ANK2: variants seen among roughly 807,000 people sequenced by gnomAD.
ANK2 encodes the protein ankyrin-2.
A neutral mutation model predicts 360.5 loss-of-function variants in ANK2; 83 were observed. That is an observed-to-expected ratio of 0.23 (90% CI 0.19 to 0.28). The LOEUF is 0.28. ANK2 is among the 10% of genes least tolerant of loss of function. ANK2 has a pLI of 1.00. For synonymous variants in ANK2, 1,740 were observed against 1,759.5 expected, an observed-to-expected ratio of 0.99 and a Z score of 0.28; for missense variants, 4,201 against 4,795.7, an observed-to-expected ratio of 0.88 and a Z score of 3.66.
intron 2 of ANK2, among the ~76,000 whole-genome samples, chr4:112,912,176 CAAAA>C (rs77322574): frequency 4.1e-5 from 4 of 97,236 alleles, no homozygotes; most frequent in South Asian, 3.3e-4. Context: ...GACTCCGTTT[CAAAA>C]AAAAAAAAAA....
chr4:112,844,668 A>G (rs2062885583), intron 1 of ANK2, among the ~76,000 whole-genome samples: 1 of 152,260 alleles, frequency 6.6e-6, no homozygotes, highest in South Asian at 2.1e-4. Context: ...AAAGGAAGAC[A>G]AGGTTTGGAA....
chr4:112,834,213 T>G (rs1279825971), intron 1 of ANK2, among the ~76,000 whole-genome samples: 1 of 152,210 alleles, frequency 6.6e-6, no homozygotes, highest in African/African-American at 2.4e-5. Flanking sequence ...TTACTATGTA[T>G]TAGATGATAT....
In ANK2 at chr4:113,264,877, C is replaced by T. The variant is rs747367469; in HGVS notation, c.1387-20C>T. The T allele has an allele frequency of 1.5e-5, 23 of 1,553,168 alleles. No individual in the cohort carries two copies. The highest frequency in any genetic ancestry group is 3.6e-5 in the South Asian group (3 of 84,172). Reference sequence around the variant, plus strand: ...AGCGGTGGGTTAATTTATGATTTGACGATCTTTGTTCCCTGGCAGCGTGGT... The same window carrying T: ...AGCGGTGGGTTAATTTATGATTTGATGATCTTTGTTCCCTGGCAGCGTGGT... On this transcript the variant is annotated intron_variant, in intron 13 of 45. Transcript: ENST00000357077.
chr4:113,130,018 T>A (rs1208885974), intron 1 of ANK2, among the ~76,000 whole-genome samples: 1 of 152,224 alleles, frequency 6.6e-6, no homozygotes, highest in Non-Finnish European at 1.5e-5. Flanking sequence ...CACTTCTTTT[T>A]GCAACTAAGA....
At chr4:113,087,594 A>AT (rs1467834451) in intron 1 of ANK2, among the ~76,000 whole-genome samples, 3 of 152,130 alleles carry the variant, frequency 2.0e-5, no homozygotes, top group Non-Finnish European at 4.4e-5. Flanking sequence ...TGGCTTAATC[A>AT]TTTTTTAAGC....
chr4:113,072,622 G>A (rs1450340243), intron 1 of ANK2, among the ~76,000 whole-genome samples: 4 of 152,228 alleles, frequency 2.6e-5, no homozygotes, highest in South Asian at 2.1e-4. Context: ...AATTGTGTAC[G>A]GAGGTTCTGA....
intron 2 of ANK2, among the ~76,000 whole-genome samples, chr4:112,957,862 C>T (rs1407177379): frequency 6.6e-6 from 1 of 151,298 alleles, no homozygotes; most frequent in Non-Finnish European, 1.5e-5. Context: ...GGCAGAGGGT[C>T]TCCTCACTTC....
intron 34 of ANK2, among the ~76,000 whole-genome samples, chr4:113,344,860 C>T (rs531804062): frequency 2.6e-4 from 40 of 152,006 alleles, no homozygotes; most frequent in African/African-American, 9.2e-4. Flanking sequence ...TTGACCTCTC[C>T]TCGAAGTGAA....
intron 2 of ANK2, among the ~76,000 whole-genome samples, chr4:113,004,371 T>G (rs1006548835): frequency 6.6e-6 from 1 of 152,162 alleles, no homozygotes; most frequent in African/African-American, 2.4e-5. Flanking sequence ...TATTTTCTAT[T>G]TAAAAATTTT....
chr4:113,184,091 T>G (rs2098468409), intron 2 of ANK2, among the ~76,000 whole-genome samples: 1 of 149,542 alleles, frequency 6.7e-6, no homozygotes. Flanking sequence ...TTGAGTAGAC[T>G]TCAGGGAAGC....
rs77073614 is a variant in ANK2, at chr4:113,157,076, G to GT, written c.85-17330dup. ...TTTCTTAAGGTTTTATAACCTAAAG[G>GT]TTTTTTTTTTAATAATCCATGCTTT... is the stretch of plus-strand genomic sequence containing the variant. On this transcript the variant is annotated intron_variant, in intron 1 of 45. Coordinates refer to ENST00000357077, the MANE Select transcript of ANK2 (RefSeq NM_001148.6). Among the ~76,000 whole-genome samples, 134 of 148,714 alleles carry GT rather than the reference G, an allele frequency of 9.0e-4. 2 individuals are homozygous for GT. The highest frequency in any genetic ancestry group is 1.3e-3 in the Admixed American group (20 of 14,846).
At chr4:112,765,233 T>G in the ANK2 span, among the ~76,000 whole-genome samples, 1 of 152,352 alleles carries the variant, frequency 6.6e-6, no homozygotes, top group Middle Eastern at 3.4e-3. Context: ...AGTCTGTGTT[T>G]AAACATCCGC....
intron 1 of ANK2, among the ~76,000 whole-genome samples, chr4:112,850,178 A>G (rs973448159): frequency 1.1e-4 from 17 of 152,070 alleles, no homozygotes; most frequent in Non-Finnish European, 5.9e-5. Flanking sequence ...AAGGGCATCA[A>G]TTTGCAGATG....
rs58340138 is a variant in ANK2, at chr4:113,258,498, A to G, written c.1386+87A>G. On this transcript the variant is annotated intron_variant, in intron 13 of 45. Coordinates refer to ENST00000357077, the MANE Select transcript of ANK2 (RefSeq NM_001148.6). ...GGTGTGTGTATGTGTGTTTGCGTGT[A>G]TGTCATCGAAGTAAGCAACCAAGCT... The G allele has an allele frequency of 1.4e-3, 1,829 of 1,322,326 alleles. 21 individuals are homozygous for G. In the African/African-American group the frequency reaches 0.024, roughly 17 times the overall value. The allele number at this position is 1,322,326 out of a possible 1,614,324, so 81.9% of individuals were successfully genotyped here. A position where few individuals can be genotyped will look rare whatever the true frequency, so the allele number is the denominator to read the frequency against.
chr4:113,002,662 C>CT (rs1362759588), intron 2 of ANK2, among the ~76,000 whole-genome samples: 2 of 152,130 alleles, frequency 1.3e-5, no homozygotes, highest in Middle Eastern at 3.2e-3. Flanking sequence ...AAATAGGCTT[C>CT]TTTTTTTCTA....
intron 14 of ANK2, among the ~76,000 whole-genome samples, chr4:113,270,885 T>G (rs1191258055): frequency 6.6e-6 from 1 of 152,236 alleles, no homozygotes; most frequent in African/African-American, 2.4e-5. Context: ...CATGTGTGTT[T>G]TATTGTCATT....
intron 2 of ANK2, among the ~76,000 whole-genome samples, chr4:113,041,929 A>T (rs943465726): frequency 6.6e-6 from 1 of 152,140 alleles, no homozygotes; most frequent in African/African-American, 2.4e-5. Flanking sequence ...ATTCATGAGC[A>T]GTCCACGCTT....
intron 2 of ANK2, among the ~76,000 whole-genome samples, chr4:112,963,999 ATTC>A (rs1290359620): frequency 6.6e-6 from 1 of 151,374 alleles, no homozygotes; most frequent in Admixed American, 6.6e-5. Context: ...CTATTATTGA[ATTC>A]TTATGTTATT....
chr4:113,269,574 C>A (rs528335992), intron 14 of ANK2, among the ~76,000 whole-genome samples: 16 of 152,316 alleles, frequency 1.1e-4, no homozygotes, highest in African/African-American at 3.6e-4. Context: ...GAAGCCCCAC[C>A]CTGCTTTGGC....
Sources: gnomAD v4.1 joint callset for allele counts (sites outside exome capture counted in the v4.1 genomes callset) on GRCh38, gnomAD v4.1.1 for gene constraint, MANE v1.5 for transcripts, NCBI Gene and HGNC (gene_info 2026-07-23, HGNC 2026-07-21) for gene names.